LRRC37B: variants seen among roughly 807,000 people sequenced by gnomAD.
LRRC37B encodes the protein leucine-rich repeat-containing protein 37B.
LRRC37B carries 28 observed loss-of-function variants against 98.3 expected under a neutral mutation model. That is an observed-to-expected ratio of 0.28 (90% CI 0.21 to 0.39). The LOEUF (loss-of-function observed/expected upper bound fraction) is 0.39. LRRC37B is among the 10% of genes least tolerant of loss of function. The probability of loss-of-function intolerance (pLI) is 1.00; values close to 1 mark genes in which losing one functional copy is unlikely to be tolerated. For synonymous variants in LRRC37B, 364 were observed against 442.7 expected (o/e 0.82, Z 2.23); for missense variants, 938 against 1,182.7 (o/e 0.79, Z 3.03).
chr17:32,041,316 C>A (rs1179222320), intron 7 of LRRC37B: 1 of 756,544 alleles, frequency 1.3e-6, no homozygotes, highest in East Asian at 2.4e-5. Context: ...CATCTGGACT[C>A]CTAGCAGGAG....
At chr17:32,043,218 C>T (rs1307866663) in intron 7 of LRRC37B, among the ~76,000 whole-genome samples, 1 of 152,180 alleles carries the variant, frequency 6.6e-6, no homozygotes, top group Admixed American at 6.6e-5. Flanking sequence ...CCTAGCCATC[C>T]TAAGCCTTAA....
At chr17:32,047,898 G>T (rs1368700587) in exon 9 of LRRC37B, 1 of 1,614,124 alleles carries the variant, frequency 6.2e-7, no homozygotes, top group Non-Finnish European at 8.5e-7. Context: ...GTCAGGCTTT[G>T]GGGGTGAGCA....
At chr17:32,042,035 C>T (rs1304454468) in intron 7 of LRRC37B, 1 of 350,272 alleles carries the variant, frequency 2.9e-6, no homozygotes, top group African/African-American at 2.1e-5. Flanking sequence ...AACCCTAGCC[C>T]CACTCCAGGG....
intron 1 of LRRC37B, among the ~76,000 whole-genome samples, chr17:32,012,759 G>A (rs1469573950): frequency 1.3e-5 from 2 of 152,044 alleles, no homozygotes; most frequent in Non-Finnish European, 2.9e-5. Context: ...CCTCACGCCT[G>A]TAATCCCAGC....
chr17:32,013,708 A>G (rs111836531), intron 1 of LRRC37B, among the ~76,000 whole-genome samples: 5 of 130,284 alleles, frequency 3.8e-5, no homozygotes, highest in African/African-American at 1.2e-4. Context: ...TTATAATTGT[A>G]TATGTGTGTG....
At chr17:32,009,278 T>C (rs1450360508) in intron 1 of LRRC37B, among the ~76,000 whole-genome samples, 1 of 152,132 alleles carries the variant, frequency 6.6e-6, no homozygotes, top group Non-Finnish European at 1.5e-5. Context: ...TTTTTTTTTT[T>C]TGAGGTAGAG....
intron 1 of LRRC37B, among the ~76,000 whole-genome samples, chr17:32,014,952 T>G (rs963549735): frequency 5.3e-5 from 8 of 152,048 alleles, no homozygotes; most frequent in African/African-American, 1.9e-4. Flanking sequence ...GCCAACATGG[T>G]GAGACCCCAT....
chr17:32,027,497 TTG>T (rs751149845), intron 2 of LRRC37B, among the ~76,000 whole-genome samples: 1 of 116,168 alleles, frequency 8.6e-6, no homozygotes, highest in Non-Finnish European at 1.8e-5. Context: ...GTGGGTGTGC[TTG>T]TGTGTGTGTG....
chr17:32,020,218 T>C (rs1003460301), upstream of LRRC37B, among the ~76,000 whole-genome samples: 1 of 152,144 alleles, frequency 6.6e-6, no homozygotes, highest in Non-Finnish European at 1.5e-5. Context: ...AGCTCCTTCT[T>C]GGGGTTTACA....
At chr17:32,018,319 C>T (rs1160607177), upstream of LRRC37B, among the ~76,000 whole-genome samples, 1 of 152,168 alleles carries the variant, frequency 6.6e-6, no homozygotes, top group Non-Finnish European at 1.5e-5. Context: ...AAGAGCGAAA[C>T]TCCATCTCAA....
chr17:32,027,392 C>CAT (rs1309438775), intron 2 of LRRC37B, among the ~76,000 whole-genome samples: 1 of 136,808 alleles, frequency 7.3e-6, no homozygotes, highest in Non-Finnish European at 1.6e-5. Context: ...TGTGTGCTTG[C>CAT]ATGTGTGTGT....
At chr17:32,043,686 G>C (rs1023665613) in intron 7 of LRRC37B, among the ~76,000 whole-genome samples, 1 of 152,172 alleles carries the variant, frequency 6.6e-6, no homozygotes, top group Non-Finnish European at 1.5e-5. Flanking sequence ...AGGAATACGA[G>C]TCACTTGTGA....
At chr17:32,030,780 A>G (rs1168829809) in intron 4 of LRRC37B, 53 bp downstream of exon 7, 1 of 1,065,072 alleles carries the variant, frequency 9.4e-7, no homozygotes, top group African/African-American at 1.6e-5. Flanking sequence ...AAACTTAATT[A>G]TAAACCTCTT....
At chr17:32,014,526 G>C (rs1161651764) in intron 1 of LRRC37B, among the ~76,000 whole-genome samples, 1 of 152,182 alleles carries the variant, frequency 6.6e-6, no homozygotes, top group South Asian at 2.1e-4. Context: ...TAGGCCAAAG[G>C]AAAATTATAC....
chr17:32,049,028 G>A, intron 9 of LRRC37B, 74 bp from the exon 13 acceptor site: 17 of 1,608,088 alleles, frequency 1.1e-5, no homozygotes, highest in Non-Finnish European at 1.3e-5. Flanking sequence ...AGACAAAATG[G>A]GAATACAACA....
intron 8 of LRRC37B, chr17:32,047,540 T>A: frequency 4.9e-6 from 3 of 608,248 alleles, no homozygotes. Flanking sequence ...AGTTACTCTA[T>A]GTCACACTAT....
chr17:32,022,542 G>C (rs922337023), exon 1 of LRRC37B: 7 of 1,613,684 alleles, frequency 4.3e-6, no homozygotes, highest in Non-Finnish European at 5.9e-6. Context: ...ACATTCCACA[G>C]CCCTGGAGAA....
chr17:32,027,422 C>CGTGCTTGCCTGTGTGTGT (rs957885738), intron 2 of LRRC37B, among the ~76,000 whole-genome samples: 1 of 105,846 alleles, frequency 9.4e-6, no homozygotes, highest in Non-Finnish European at 1.9e-5. Flanking sequence ...AGTGTGTGTG[C>CGTGCTTGCCTGTGTGTGT]GTGCTTGCCT....
chr17:32,014,536 C>G (rs1172278476), intron 1 of LRRC37B, among the ~76,000 whole-genome samples: 1 of 152,100 alleles, frequency 6.6e-6, no homozygotes, highest in African/African-American at 2.4e-5. Flanking sequence ...GAAAATTATA[C>G]CAGTGGTAAT....
Sources: gnomAD v4.1 joint callset for allele counts (sites outside exome capture counted in the v4.1 genomes callset) on GRCh38, gnomAD v4.1.1 for gene constraint, MANE v1.5 for transcripts, NCBI Gene and HGNC (gene_info 2026-07-23, HGNC 2026-07-21) for gene names.